Variants in UNC13A observed in about 807,000 individuals in gnomAD.
The protein encoded by UNC13A is unc-13 homolog A.
In UNC13A, 61 loss-of-function variants were observed where a neutral mutation model predicts 219.7. The ratio of observed to expected loss-of-function variants is 0.28; its 90% CI spans 0.23 to 0.34. UNC13A has a LOEUF of 0.34. Ranked by LOEUF, UNC13A falls within the 10% of genes least tolerant of loss-of-function variation. The pLI, the probability that UNC13A is intolerant of heterozygous loss-of-function variation, is 1.00. For synonymous variants in UNC13A, 920 were observed against 884.6 expected (o/e 1.04, Z -0.71); for missense variants, 1,476 against 2,270.3 (o/e 0.65, Z 7.11).
chr19:17,644,640 C>T (rs1352919355), intron 19 of UNC13A, among the ~76,000 whole-genome samples: 1 of 150,322 alleles, frequency 6.7e-6, no homozygotes, highest in Non-Finnish European at 1.5e-5. Flanking sequence ...AAGTGATCTG[C>T]CTGCCTCAGC....
At chr19:17,606,570 C>T (rs905513033) in intron 43 of UNC13A, among the ~76,000 whole-genome samples, 5 of 152,142 alleles carry the variant, frequency 3.3e-5, no homozygotes, top group Non-Finnish European at 5.9e-5. Flanking sequence ...GGGCCACGCC[C>T]ACGCCTGTTC....
In UNC13A at chr19:17,655,807, C is replaced by T. The variant is rs147315044; in HGVS notation, c.1283+76G>A. On this transcript the variant is annotated intron_variant, in intron 10 of 43. Transcript: ENST00000519716. ...CAGCCCCAGCAACTTCCCAGGTCCA[C>T]GCTGACCCCATCATAGCCCTGCTGA... The T allele has an allele frequency of 7.9e-4, 1,135 of 1,443,550 alleles. 6 individuals carry two copies. The African/African-American group carries it at 8.9e-3, about 11-fold the overall frequency. 89.4% of individuals were successfully genotyped at this position (1,443,550 alleles called of 1,614,324 possible). A position where few individuals can be genotyped will look rare whatever the true frequency, so the allele number is the denominator to read the frequency against.
At chr19:17,629,150 C>A in intron 31 of UNC13A, 90 bp downstream of exon 31, 2 of 1,136,938 alleles carry the variant, frequency 1.8e-6, no homozygotes, top group Non-Finnish European at 2.6e-6. Flanking sequence ...CATACATAGC[C>A]CCAGGTGTCA....
Position 17,602,132 on chromosome 19 carries a change from G to C in UNC13A, c.*3922C>G, listed in dbSNP as rs1350136604. 3 of 152,582 alleles carry C rather than the reference G, an allele frequency of 2.0e-5. No homozygotes were observed. The highest frequency in any genetic ancestry group is 7.2e-5 in the African/African-American group (3 of 41,406). 9.5% of individuals were successfully genotyped at this position (152,582 alleles called of 1,614,324 possible). ...TGAGGTCTCAGGCTCTGGGGCCTGA[G>C]AGAGGAATTGGGGGTGTGGACAGGC... On this transcript the variant is annotated 3_prime_UTR_variant, in exon 44 of 44. Coordinates refer to ENST00000519716, the MANE Select transcript of UNC13A (RefSeq NM_001080421.3).
chr19:17,658,295 G>A, intron 8 of UNC13A, 26 bp from the exon 9 acceptor site: 4 of 1,594,822 alleles, frequency 2.5e-6, no homozygotes, highest in Middle Eastern at 1.7e-4. Flanking sequence ...GGTATGGGAA[G>A]AGGGTGAGGA....
At chr19:17,670,972 C>T (rs1404054608) in intron 4 of UNC13A, among the ~76,000 whole-genome samples, 10 of 136,970 alleles carry the variant, frequency 7.3e-5, no homozygotes, top group Admixed American at 2.9e-4. Context: ...ATGACAAAAA[C>T]GAACAAACAA....
In UNC13A at chr19:17,606,052, CGCTAAGGCGCAGGCGCG is replaced by C; in HGVS notation, c.5097_*1del. Reference sequence around the variant, plus strand: ...GCAGTGCCGCTCGGCCGACCGCCCGCGCTAAGGCGCAGGCGCGGCACCGCCCTCCTCGGCGGAGCGCG... The same window carrying C: ...GCAGTGCCGCTCGGCCGACCGCCCGCGCACCGCCCTCCTCGGCGGAGCGCG... On this transcript the variant is annotated stop_lost and 3_prime_UTR_variant, in exon 44 of 44. Coordinates refer to ENST00000519716, the MANE Select transcript of UNC13A (RefSeq NM_001080421.3). 6.5e-7 allele frequency: 1 copy of C among 1,539,162 alleles called. No homozygotes were observed. Among genetic ancestry groups the C allele is most frequent in the Non-Finnish European group, 8.7e-7 (1 of 1,148,654 alleles).
chr19:17,682,044 C>T (rs1365017382), intron 1 of UNC13A, among the ~76,000 whole-genome samples: 7 of 151,000 alleles, frequency 4.6e-5, no homozygotes, highest in Non-Finnish European at 7.4e-5. Flanking sequence ...CCTCCGCCTT[C>T]GGGGCTTAAG....
intron 26 of UNC13A, 60 bp downstream of exon 26, chr19:17,635,964 A>C (rs2076909094): frequency 3.9e-6 from 6 of 1,537,010 alleles, no homozygotes; most frequent in Non-Finnish European, 5.3e-6. Flanking sequence ...ACAAGACACA[A>C]AGTTGTATAC....
intron 9 of UNC13A, 100 bp from the exon 10 acceptor site, chr19:17,656,498 C>T (rs1310360881): frequency 1.4e-5 from 17 of 1,219,500 alleles, no homozygotes; most frequent in East Asian, 2.6e-5. Flanking sequence ...TGAGCACCTA[C>T]GATGTGCCAG....
rs1229240172 is a variant in UNC13A, at chr19:17,665,223, G to C, written c.523+1427C>G. Reference sequence around the variant, plus strand: ...TCCAAGAAAAAAAAAAAGAGAAGAAGAAAAGAAAGTAAATGGGAAAGGAGA... The same window carrying C: ...TCCAAGAAAAAAAAAAAGAGAAGAACAAAAGAAAGTAAATGGGAAAGGAGA... On this transcript the variant is annotated intron_variant, in intron 7 of 43. Coordinates refer to ENST00000519716, the MANE Select transcript of UNC13A (RefSeq NM_001080421.3). 3.3e-5 allele frequency among the ~76,000 whole-genome samples: 5 copies of C among 150,986 alleles called. No individual in the cohort carries two copies. In the South Asian group the frequency reaches 1.0e-3, roughly 32 times the overall value.
At position 17,688,264 on chromosome 19, in the gene UNC13A, C is replaced by T. The variant is rs1388168096; in HGVS notation, c.-65G>A. On this transcript the variant is annotated 5_prime_UTR_variant, in exon 1 of 44. Transcript: ENST00000519716. ...GCTCTGTCGGGTCGGGCTCAGCGGC[C>T]GCTGGGCTGGGGCATCTCCCGGCTG... The T allele has an allele frequency of 7.1e-7, 1 of 1,403,970 alleles. No individual in the cohort carries two copies. 87.0% of individuals were successfully genotyped at this position (1,403,970 alleles called of 1,614,324 possible). A position where few individuals can be genotyped will look rare whatever the true frequency, so the allele number is the denominator to read the frequency against.
rs1289321862 is a variant in UNC13A, at chr19:17,601,873, A to G, written c.*4181T>C. On this transcript the variant is annotated 3_prime_UTR_variant, in exon 44 of 44. Transcript: ENST00000519716. ...GCAAAGACAACTTTGGTCCTCAACG[A>G]TTCTTAGGAAAGGATTCTGGGGAGC... 3 of 152,636 alleles carry G rather than the reference A, an allele frequency of 2.0e-5. No homozygotes were observed. Among genetic ancestry groups the G allele is most frequent in the Admixed American group, 2.0e-4 (3 of 15,274 alleles). 9.5% of individuals were successfully genotyped at this position (152,636 alleles called of 1,614,324 possible).
intron 1 of UNC13A, among the ~76,000 whole-genome samples, chr19:17,680,592 G>A (rs1404765465): frequency 6.6e-6 from 1 of 152,144 alleles, no homozygotes; most frequent in Non-Finnish European, 1.5e-5. Flanking sequence ...GGACACCCCT[G>A]CAGCCTGGCT....
At chr19:17,662,756 T>TA (rs1461047941) in intron 8 of UNC13A, among the ~76,000 whole-genome samples, 2 of 151,896 alleles carry the variant, frequency 1.3e-5, no homozygotes, top group Non-Finnish European at 2.9e-5. Context: ...CCGTCTCTAC[T>TA]AAAAATACAA....
chr19:17,681,832 G>A (rs918452241), intron 1 of UNC13A, among the ~76,000 whole-genome samples: 3 of 152,178 alleles, frequency 2.0e-5, no homozygotes, highest in African/African-American at 7.2e-5. Flanking sequence ...GTGGCCCTGG[G>A]GGACCCCTCT....
At chr19:17,636,259 T>A in intron 25 of UNC13A, 102 bp from the exon 26 acceptor site, 1 of 1,359,954 alleles carries the variant, frequency 7.4e-7, no homozygotes, top group South Asian at 1.5e-5. Flanking sequence ...ATGCATCCCA[T>A]CATCATGTGT....
chr19:17,643,367 T>C (rs970815073), intron 19 of UNC13A, among the ~76,000 whole-genome samples: 1 of 152,046 alleles, frequency 6.6e-6, no homozygotes, highest in African/African-American at 2.4e-5. Context: ...TGGTCCAGGT[T>C]AGAGTGCGGT....
intron 43 of UNC13A, 45 bp downstream of exon 43, chr19:17,609,895 G>A: frequency 6.2e-7 from 1 of 1,605,702 alleles, no homozygotes; most frequent in Non-Finnish European, 8.5e-7. Context: ...CCTGGCGGAT[G>A]CCCCCTCCCT....
Sources: gnomAD v4.1 joint callset for allele counts (sites outside exome capture counted in the v4.1 genomes callset) on GRCh38, gnomAD v4.1.1 for gene constraint, MANE v1.5 for transcripts, NCBI Gene and HGNC (gene_info 2026-07-23, HGNC 2026-07-21) for gene names.